Variants in COL25A1 observed in about 807,000 individuals in gnomAD.
The protein encoded by COL25A1 is collagen alpha-1(XXV) chain.
In COL25A1, 103 loss-of-function variants were observed where a neutral mutation model predicts 128.4. The observed-to-expected ratio is 0.80, with a 90% confidence interval of 0.68 to 0.94. COL25A1 has a LOEUF of 0.94. Ranked by LOEUF, COL25A1 falls within the 40% of genes least tolerant of loss-of-function variation. The pLI, the probability that COL25A1 is intolerant of heterozygous loss-of-function variation, is 0.00. For missense variants in COL25A1, 745 were observed against 840.0 expected (o/e 0.89, Z 1.40); for synonymous variants, 279 against 277.2 (o/e 1.01, Z -0.06).
chr4:109,265,670 G>C (rs1017768306), intron 3 of COL25A1, among the ~76,000 whole-genome samples: 2 of 151,928 alleles, frequency 1.3e-5, no homozygotes, highest in African/African-American at 4.8e-5. Flanking sequence ...GGACTCTCCT[G>C]AACAGCCATT....
intron 3 of COL25A1, among the ~76,000 whole-genome samples, chr4:109,285,855 G>C (rs548553452): frequency 1.3e-5 from 2 of 150,146 alleles, no homozygotes; most frequent in South Asian, 4.2e-4. Flanking sequence ...GTTGTTTGTT[G>C]GTTTTTGTTT....
rs185114533 is a variant in COL25A1 at position 109,110,636 on chromosome 4, G to T, written c.368-60457C>A. Among the ~76,000 whole-genome samples the T allele has an allele frequency of 2.6e-5, 4 of 152,014 alleles. No homozygotes were observed. In the East Asian group the frequency reaches 7.7e-4, roughly 29 times the overall value. On this transcript the variant is annotated intron_variant, in intron 3 of 37. Transcript: ENST00000399132. ...AAATGAAATGTTCACATTGTTCCTC[G>T]TCTCCTCCCCATTTTTCCTGCTCCA... is the stretch of plus-strand genomic sequence containing the variant.
At chr4:108,915,671 G>A (rs974081965) in intron 13 of COL25A1, among the ~76,000 whole-genome samples, 13 of 151,840 alleles carry the variant, frequency 8.6e-5, no homozygotes, top group Non-Finnish European at 1.8e-4. Flanking sequence ...CTGCCTGAGC[G>A]CCCCCACCCC....
chr4:109,272,832 A>G (rs1782285902), intron 3 of COL25A1, among the ~76,000 whole-genome samples: 1 of 152,166 alleles, frequency 6.6e-6, no homozygotes, highest in South Asian at 2.1e-4. Context: ...AGTGCTGAAC[A>G]TTCCAGGCAG....
intron 3 of COL25A1, among the ~76,000 whole-genome samples, chr4:109,189,547 C>CAAAAA (rs33989375): frequency 2.8e-4 from 15 of 53,560 alleles, no homozygotes; most frequent in South Asian, 9.5e-4. Context: ...GACTCCATCT[C>CAAAAA]AAAAAAAAAA....
chr4:109,053,065 C>T (rs1761133000), intron 3 of COL25A1, among the ~76,000 whole-genome samples: 1 of 151,996 alleles, frequency 6.6e-6, no homozygotes, highest in Non-Finnish European at 1.5e-5. Flanking sequence ...AGAGAAAAAA[C>T]AGAAGCTATC....
At chr4:108,940,712 G>T in intron 9 of COL25A1, 66 bp from the exon 10 acceptor site, 1 of 1,035,082 alleles carries the variant, frequency 9.7e-7, no homozygotes, top group South Asian at 1.6e-5. Context: ...CTTCTTTTCA[G>T]CACCTTAAAT....
chr4:108,851,019 G>A (rs767764434), intron 26 of COL25A1, among the ~76,000 whole-genome samples: 1 of 152,008 alleles, frequency 6.6e-6, no homozygotes, highest in Non-Finnish European at 1.5e-5. Context: ...TTTGGTTCTG[G>A]AGTCTTAGTC....
Position 108,886,475 on chromosome 4 carries a change from TGTGTGTGTGTGTGTG to T in COL25A1, c.976-2268_976-2254del, listed in dbSNP as rs1560806237. 3.5e-4 allele frequency among the ~76,000 whole-genome samples: 45 copies of T among 127,964 alleles called. 1 individual carries two copies. The highest frequency in any genetic ancestry group is 9.4e-4 in the African/African-American group (34 of 36,308). 83.9% of individuals were successfully genotyped at this position (127,964 alleles called of 152,430 possible). ...GTGTGTGTGTGTGTGTGTGTGTGTG[TGTGTGTGTGTGTGTG>T]TGTTTAGCTCATCAGCTATTTTATG... On this transcript the variant is annotated intron_variant, in intron 18 of 37. Transcript: ENST00000399132.
chr4:108,889,098 C>G, intron 18 of COL25A1, 123 bp downstream of exon 18: 1 of 920,562 alleles, frequency 1.1e-6, no homozygotes, highest in Non-Finnish European at 1.7e-6. Flanking sequence ...CAATAACACT[C>G]TGTAATGCAA....
chr4:109,076,308 T>C (rs1763369168), intron 3 of COL25A1, among the ~76,000 whole-genome samples: 2 of 152,332 alleles, frequency 1.3e-5, no homozygotes, highest in Middle Eastern at 3.4e-3. Flanking sequence ...TGCTTTGTGC[T>C]TCACAGTAAA....
chr4:109,256,619 T>C (rs947186322), intron 3 of COL25A1, among the ~76,000 whole-genome samples: 5 of 152,164 alleles, frequency 3.3e-5, no homozygotes, highest in African/African-American at 1.2e-4. Flanking sequence ...TCCAGACCAG[T>C]GTTTGGTTGA....
intron 3 of COL25A1, among the ~76,000 whole-genome samples, chr4:109,282,908 T>A (rs1723515761): frequency 6.6e-6 from 1 of 152,208 alleles, no homozygotes; most frequent in Admixed American, 6.5e-5. Flanking sequence ...ACTAAAATAT[T>A]TATTGTACCT....
chr4:108,829,069 C>A (rs748774443), intron 32 of COL25A1, among the ~76,000 whole-genome samples: 23 of 152,132 alleles, frequency 1.5e-4, no homozygotes, highest in Non-Finnish European at 3.4e-4. Context: ...AAAGCAGAAG[C>A]AATTGCACTC....
chr4:109,171,754 C>T (rs368905611), intron 3 of COL25A1, among the ~76,000 whole-genome samples: 3 of 152,150 alleles, frequency 2.0e-5, no homozygotes, highest in Non-Finnish European at 2.9e-5. Context: ...GAACAAATGA[C>T]GGCCACACAC....
intron 6 of COL25A1, among the ~76,000 whole-genome samples, chr4:108,976,173 TA>T (rs1196723698): frequency 6.6e-6 from 1 of 152,206 alleles, no homozygotes; most frequent in African/African-American, 2.4e-5. Flanking sequence ...GTTTAGAAGC[TA>T]TTTTTTTAGC....
At chr4:108,920,723 C>A in intron 11 of COL25A1, 119 bp from the exon 12 acceptor site, 2 of 558,054 alleles carry the variant, frequency 3.6e-6, no homozygotes, top group South Asian at 1.0e-4. Flanking sequence ...GTTGACATTT[C>A]ATATATCAGG....
chr4:109,253,954 G>A (rs1015936551), intron 3 of COL25A1, among the ~76,000 whole-genome samples: 4 of 152,094 alleles, frequency 2.6e-5, no homozygotes, highest in Non-Finnish European at 4.4e-5. Context: ...CGGTGCGGTG[G>A]CGGGTGCCTG....
intron 6 of COL25A1, among the ~76,000 whole-genome samples, chr4:108,999,071 T>A (rs6828193): frequency 6.6e-6 from 1 of 152,064 alleles, no homozygotes; most frequent in Non-Finnish European, 1.5e-5. Flanking sequence ...AGTTCATGAC[T>A]AAAACACCAA....
Sources: allele counts gnomAD v4.1 joint callset (sites outside exome capture counted in the v4.1 genomes callset), GRCh38; gene constraint gnomAD v4.1.1; transcripts MANE v1.5; gene names NCBI Gene and HGNC (gene_info 2026-07-23, HGNC 2026-07-21).